The following KCNK13 variants were observed in gnomAD, a reference collection of about 807,000 sequenced individuals.
KCNK13 encodes the protein potassium channel subfamily K member 13.
KCNK13 carries 12 observed loss-of-function variants against 23.4 expected under a neutral mutation model. That is an observed-to-expected ratio of 0.51 (90% CI 0.33 to 0.83). The LOEUF (loss-of-function observed/expected upper bound fraction) is 0.83. Ranked by LOEUF, KCNK13 falls within the 40% of genes least tolerant of loss-of-function variation. The pLI is 0.02. For synonymous variants in KCNK13, 231 were observed against 229.5 expected (o/e 1.01, Z -0.06); for missense variants, 463 against 556.3 (o/e 0.83, Z 1.69).
chr14:90,100,521 G>A (rs1270440866), intron 1 of KCNK13, among the ~76,000 whole-genome samples: 1 of 152,146 alleles, frequency 6.6e-6, no homozygotes, highest in Non-Finnish European at 1.5e-5. Flanking sequence ...AGGATGTTAG[G>A]GAGGCCGCAA....
chr14:90,064,238 A>G (rs563962088), intron 1 of KCNK13, among the ~76,000 whole-genome samples: 1 of 152,320 alleles, frequency 6.6e-6, no homozygotes, highest in African/African-American at 2.4e-5. Flanking sequence ...CATAGCAAGT[A>G]CAGGATTTTT....
chr14:90,111,507 T>C (rs1889614954), intron 1 of KCNK13, among the ~76,000 whole-genome samples: 1 of 152,148 alleles, frequency 6.6e-6, no homozygotes. Context: ...TGTGCCCTTT[T>C]TCTGTGAATT....
intron 1 of KCNK13, among the ~76,000 whole-genome samples, chr14:90,141,799 G>GGGA (rs1162765735): frequency 6.7e-6 from 1 of 148,644 alleles, no homozygotes; most frequent in Non-Finnish European, 1.5e-5. Context: ...TTTTTTGGGG[G>GGGA]GGGGGACGGA....
chr14:90,174,661 C>T (rs781189564), intron 1 of KCNK13, among the ~76,000 whole-genome samples: 9 of 152,094 alleles, frequency 5.9e-5, no homozygotes, highest in African/African-American at 9.7e-5. Context: ...TGAGACCAGT[C>T]TGGGCAACAT....
chr14:90,177,533 T>C (rs1596812326), intron 1 of KCNK13, among the ~76,000 whole-genome samples: 1 of 152,234 alleles, frequency 6.6e-6, no homozygotes, highest in East Asian at 1.9e-4. Flanking sequence ...TTTCCTCTTA[T>C]AGATAATTGG....
intron 1 of KCNK13, among the ~76,000 whole-genome samples, chr14:90,094,831 TAGAGACGGGGTTTCA>T (rs1348055457): frequency 3.3e-5 from 5 of 151,956 alleles, no homozygotes; most frequent in African/African-American, 7.3e-5. Flanking sequence ...GTATTATTAG[TAGAGACGGGGTTTCA>T]CCGTGTCAGC....
At chr14:90,141,158 C>A (rs541089931) in intron 1 of KCNK13, among the ~76,000 whole-genome samples, 1 of 152,338 alleles carries the variant, frequency 6.6e-6, no homozygotes, top group South Asian at 2.1e-4. Context: ...CAGGAAGTGA[C>A]TCAAAGGTTG....
chr14:90,063,698 C>A (rs1888973647), intron 1 of KCNK13, among the ~76,000 whole-genome samples: 1 of 152,150 alleles, frequency 6.6e-6, no homozygotes, highest in African/African-American at 2.4e-5. Flanking sequence ...CAAGTTGAGC[C>A]TCCTTGAGGC....
intron 1 of KCNK13, among the ~76,000 whole-genome samples, chr14:90,160,949 A>G (rs1890246894): frequency 6.6e-6 from 1 of 152,162 alleles, no homozygotes; most frequent in Non-Finnish European, 1.5e-5. Flanking sequence ...CTTTTTTAAT[A>G]TGTACCCAAA....
chr14:90,089,014 C>T (rs1265428006), intron 1 of KCNK13, among the ~76,000 whole-genome samples: 2 of 152,106 alleles, frequency 1.3e-5, no homozygotes, highest in Admixed American at 6.6e-5. Flanking sequence ...TTCCCAGTCT[C>T]GGATATGTCT....
At chr14:90,079,640 G>A (rs1372239200) in intron 1 of KCNK13, among the ~76,000 whole-genome samples, 3 of 152,086 alleles carry the variant, frequency 2.0e-5, no homozygotes, top group Non-Finnish European at 2.9e-5. Flanking sequence ...CTCCTATAAG[G>A]GGCTTCCCAG....
At chr14:90,164,526 A>G (rs1263805840) in intron 1 of KCNK13, among the ~76,000 whole-genome samples, 1 of 152,206 alleles carries the variant, frequency 6.6e-6, no homozygotes, top group Non-Finnish European at 1.5e-5. Flanking sequence ...GAAAAACTTA[A>G]TCTTCTACTA....
intron 1 of KCNK13, among the ~76,000 whole-genome samples, chr14:90,098,659 A>G (rs2140404948): frequency 6.6e-6 from 1 of 152,192 alleles, no homozygotes; most frequent in Admixed American, 6.5e-5. Flanking sequence ...TCTCCAAAAA[A>G]AAAAAAAGAA....
chr14:90,099,178 T>C (rs1348366370), intron 1 of KCNK13, among the ~76,000 whole-genome samples: 2 of 152,160 alleles, frequency 1.3e-5, no homozygotes, highest in Non-Finnish European at 2.9e-5. Context: ...GGTTGTAACA[T>C]AGTTGAGAAG....
chr14:90,134,546 C>T (rs967319815), intron 1 of KCNK13, among the ~76,000 whole-genome samples: 1 of 152,166 alleles, frequency 6.6e-6, no homozygotes, highest in African/African-American at 2.4e-5. Context: ...TAGACACACA[C>T]ACACACAAAG....
chr14:90,154,533 A>G (rs1481768465), intron 1 of KCNK13, among the ~76,000 whole-genome samples: 1 of 152,154 alleles, frequency 6.6e-6, no homozygotes, highest in African/African-American at 2.4e-5. Flanking sequence ...GTGCTCTACT[A>G]GCCTAGCCCA....
At chr14:90,084,386 A>G (rs917932591) in intron 1 of KCNK13, among the ~76,000 whole-genome samples, 5 of 152,150 alleles carry the variant, frequency 3.3e-5, no homozygotes, top group African/African-American at 1.2e-4. Context: ...GTCATTCATT[A>G]TTTTAATCCT....
chr14:90,174,482 C>CA (rs1159014974), intron 1 of KCNK13, among the ~76,000 whole-genome samples: 3 of 152,138 alleles, frequency 2.0e-5, no homozygotes, highest in African/African-American at 7.2e-5. Flanking sequence ...GGTGGGGACT[C>CA]AGAGCCAAAC....
rs1208977733 is a variant in KCNK13 at position 90,185,838 on chromosome 14, A to G, written c.*835A>G. 1.3e-5 allele frequency: 2 copies of G among 152,334 alleles called. No homozygotes were observed. Among genetic ancestry groups the G allele is most frequent in the East Asian group, 1.9e-4 (1 of 5,186 alleles). The allele number at this position is 152,334 out of a possible 1,614,324, so 9.4% of individuals were successfully genotyped here. ...TTTAATAAAATGGAAAATTTAATAA[A>G]TCCTCATTTTATTAACTAAGATTCC... On this transcript the variant is annotated 3_prime_UTR_variant, in exon 2 of 2. Transcript: ENST00000282146.
Sources: gnomAD v4.1 joint callset for allele counts (sites outside exome capture counted in the v4.1 genomes callset) on GRCh38, gnomAD v4.1.1 for gene constraint, MANE v1.5 for transcripts, NCBI Gene and HGNC (gene_info 2026-07-23, HGNC 2026-07-21) for gene names.